The following GABRB2 variants were observed in gnomAD, a reference collection of about 807,000 sequenced individuals.
GABRB2 encodes the protein gamma-aminobutyric acid receptor subunit beta-2.
In GABRB2, 16 loss-of-function variants were observed where a neutral mutation model predicts 54.7. The observed-to-expected ratio is 0.29, with a 90% CI of 0.20 to 0.44. GABRB2 has a LOEUF of 0.44. Ranked by LOEUF, GABRB2 falls within the 20% of genes least tolerant of loss-of-function variation. The pLI is 1.00. For synonymous variants in GABRB2, 244 were observed against 233.8 expected, an observed-to-expected ratio of 1.04 and a Z score of -0.40; for missense variants, 355 against 644.0, an observed-to-expected ratio of 0.55 and a Z score of 4.86.
At chr5:161,398,919 A>G (rs1013446532) in intron 5 of GABRB2, among the ~76,000 whole-genome samples, 6 of 151,920 alleles carry the variant, frequency 3.9e-5, no homozygotes, top group Non-Finnish European at 8.8e-5. Flanking sequence ...CGATCTCTTC[A>G]CTGTTTTATT....
chr5:161,389,534 G>A lies in GABRB2; in HGVS notation c.541+21441C>T, dbSNP rs577047137. On this transcript the variant is annotated intron_variant, in intron 5 of 9. Coordinates refer to ENST00000393959, the MANE Select transcript of GABRB2 (RefSeq NM_001371727.1). ...ATAGATATATAAAAACATATAAAAT[G>A]TGTATGTGGCCTGTGGGCTCTTGTG... Among the ~76,000 whole-genome samples the A allele has an allele frequency of 2.6e-5, 4 of 151,392 alleles. No individual in the cohort carries two copies. In the East Asian group the frequency reaches 7.8e-4, roughly 29 times the overall value.
chr5:161,388,588 A>G (rs560680767), intron 5 of GABRB2, among the ~76,000 whole-genome samples: 7 of 152,028 alleles, frequency 4.6e-5, no homozygotes, highest in Non-Finnish European at 1.0e-4. Context: ...TTTATAATTA[A>G]AGAATAATTT....
At chr5:161,489,646 T>C (rs1759042546) in intron 3 of GABRB2, among the ~76,000 whole-genome samples, 1 of 151,752 alleles carries the variant, frequency 6.6e-6, no homozygotes, top group African/African-American at 2.4e-5. Context: ...GCTCAAGCAA[T>C]ATTTCAGCTG....
chr5:161,545,153 A>C, intron 3 of GABRB2, 74 bp downstream of exon 3: 2 of 1,149,802 alleles, frequency 1.7e-6, no homozygotes, highest in Non-Finnish European at 1.3e-6. Context: ...CCCACCCCCA[A>C]TAGCTGGCTC....
intron 3 of GABRB2, among the ~76,000 whole-genome samples, chr5:161,532,894 G>A (rs571588211): frequency 2.0e-4 from 30 of 152,098 alleles, no homozygotes; most frequent in African/African-American, 7.0e-4. Context: ...GAAGTACTGG[G>A]GATGCATGCA....
chr5:161,520,349 T>C (rs1263525479), intron 3 of GABRB2, among the ~76,000 whole-genome samples: 6 of 152,138 alleles, frequency 3.9e-5, no homozygotes, highest in African/African-American at 1.2e-4. Context: ...TTGAACTTGG[T>C]GAAATGTAAA....
chr5:161,458,469 T>C (rs1758027191), intron 4 of GABRB2, among the ~76,000 whole-genome samples: 1 of 152,122 alleles, frequency 6.6e-6, no homozygotes. Context: ...TCTCGACAAA[T>C]GTCATAAACA....
At chr5:161,315,993 T>G (rs977215750) in intron 9 of GABRB2, among the ~76,000 whole-genome samples, 1 of 152,226 alleles carries the variant, frequency 6.6e-6, no homozygotes, top group African/African-American at 2.4e-5. Context: ...CAGTAAGATG[T>G]ATACTCTTTG....
In GABRB2 at chr5:161,331,139, T is replaced by A; in HGVS notation, c.833-12A>T. The A allele has an allele frequency of 6.5e-7, 1 of 1,534,574 alleles. No homozygotes were observed. Among genetic ancestry groups the A allele is most frequent in the Non-Finnish European group, 8.8e-7 (1 of 1,141,044 alleles). ...GACAGTTGTGATTCCTGAAAAAAAA[T>A]GGGAGAGTTAGAGTAATAATGTTCC... On this transcript the variant is annotated splice_polypyrimidine_tract_variant and intron_variant, in intron 7 of 9. Coordinates refer to ENST00000393959, the MANE Select transcript of GABRB2 (RefSeq NM_001371727.1).
intron 7 of GABRB2, among the ~76,000 whole-genome samples, chr5:161,332,908 T>C (rs1753893157): frequency 6.6e-6 from 1 of 152,184 alleles, no homozygotes; most frequent in Non-Finnish European, 1.5e-5. Flanking sequence ...GGTCTTGCTT[T>C]AGATACAGGT....
Position 161,290,409 on chromosome 5 carries a change from T to C in GABRB2, c.*3672A>G, listed in dbSNP as rs1757204572. On this transcript the variant is annotated 3_prime_UTR_variant, in exon 10 of 10. Coordinates refer to ENST00000393959, the MANE Select transcript of GABRB2 (RefSeq NM_001371727.1). The stretch of plus-strand genomic sequence containing the variant: ...CTACTTAACTTCTGATGTTCTGGGG[T>C]ACAGTACTATTGTCGAGTTGAACTG... 6.6e-6 allele frequency: 1 copy of C among 152,576 alleles called. No homozygotes were observed. The highest frequency in any genetic ancestry group is 6.6e-5 in the Admixed American group (1 of 15,258). The allele number at this position is 152,576 out of a possible 1,614,324, so 9.5% of individuals were successfully genotyped here. A position where few individuals can be genotyped will look rare whatever the true frequency, so the allele number is the denominator to read the frequency against.
At chr5:161,322,229 A>G (rs1395214608) in intron 9 of GABRB2, among the ~76,000 whole-genome samples, 2 of 152,124 alleles carry the variant, frequency 1.3e-5, no homozygotes, top group Admixed American at 1.3e-4. Context: ...AGAAAAGTTT[A>G]TTATGTTATT....
intron 9 of GABRB2, among the ~76,000 whole-genome samples, chr5:161,306,868 A>G (rs1755836207): frequency 6.6e-6 from 1 of 152,152 alleles, no homozygotes; most frequent in African/African-American, 2.4e-5. Flanking sequence ...AAAATAACTC[A>G]GTGTATGCTG....
At chr5:161,342,437 G>A (rs1229452108) in intron 5 of GABRB2, among the ~76,000 whole-genome samples, 3 of 151,958 alleles carry the variant, frequency 2.0e-5, no homozygotes, top group African/African-American at 4.8e-5. Context: ...GTGTTTCATG[G>A]AAAAGGGTTA....
At chr5:161,460,760 A>T (rs1419789221) in intron 3 of GABRB2, among the ~76,000 whole-genome samples, 1 of 152,164 alleles carries the variant, frequency 6.6e-6, no homozygotes, top group Non-Finnish European at 1.5e-5. Flanking sequence ...GCTCTCAGGG[A>T]ATTTAAAAAC....
At chr5:161,335,035 A>G in intron 6 of GABRB2, 131 bp from the exon 7 acceptor site, 2 of 871,858 alleles carry the variant, frequency 2.3e-6, no homozygotes, top group Non-Finnish European at 3.5e-6. Context: ...TTTCTTCTGC[A>G]AAAGTAGTCT....
intron 5 of GABRB2, among the ~76,000 whole-genome samples, chr5:161,383,145 T>C (rs1755518819): frequency 6.6e-6 from 1 of 152,202 alleles, no homozygotes; most frequent in South Asian, 2.1e-4. Context: ...CAATGGTTAA[T>C]AATTATCATA....
chr5:161,503,689 A>G (rs902039952), intron 3 of GABRB2, among the ~76,000 whole-genome samples: 1 of 149,944 alleles, frequency 6.7e-6, no homozygotes, highest in Non-Finnish European at 1.5e-5. Flanking sequence ...CACCAGGGCA[A>G]CAAGAGCGAA....
intron 4 of GABRB2, among the ~76,000 whole-genome samples, chr5:161,442,507 T>C (rs1321458404): frequency 1.3e-5 from 2 of 152,032 alleles, no homozygotes; most frequent in Non-Finnish European, 2.9e-5. Flanking sequence ...CCCTGTGGAG[T>C]TGTAACTGAC....
Sources: allele counts gnomAD v4.1 joint callset (sites outside exome capture counted in the v4.1 genomes callset), GRCh38; gene constraint gnomAD v4.1.1; transcripts MANE v1.5; gene names NCBI Gene and HGNC (gene_info 2026-07-23, HGNC 2026-07-21).